The following CACNG3 variants were observed in gnomAD, a reference collection of about 807,000 sequenced individuals.
The protein encoded by CACNG3 is calcium voltage-gated channel auxiliary subunit gamma 3, also known as voltage-dependent calcium channel gamma-3 subunit.
A neutral mutation model predicts 28.5 loss-of-function variants in CACNG3; 3 were observed. The observed-to-expected ratio is 0.11, with a 90% CI of 0.05 to 0.27. The LOEUF (loss-of-function observed/expected upper bound fraction) is 0.27. CACNG3 is among the 10% of genes least tolerant of loss of function. CACNG3 has a pLI of 1.00. For synonymous variants in CACNG3, 174 were observed against 162.2 expected (o/e 1.07, Z -0.55); for missense variants, 236 against 414.4 (o/e 0.57, Z 3.74).
chr16:24,256,552 G>A lies in CACNG3; in HGVS notation c.-203G>A, dbSNP rs1898462756. The A allele has an allele frequency of 1.7e-6, 1 of 581,432 alleles. No individual in the cohort carries two copies. The highest frequency in any genetic ancestry group is 1.9e-5 in the African/African-American group (1 of 53,504). The allele number at this position is 581,432 out of a possible 1,614,324, so 36.0% of individuals were successfully genotyped here. A position where few individuals can be genotyped will look rare whatever the true frequency, so the allele number is the denominator to read the frequency against. Reference sequence around the variant, plus strand: ...AACCCCCCGGAGCCTGCACCCTTCCGAGGGCCATAGGCGACCCAGGGAACT... The same window carrying A: ...AACCCCCCGGAGCCTGCACCCTTCCAAGGGCCATAGGCGACCCAGGGAACT... On this transcript the variant is annotated 5_prime_UTR_variant, in exon 1 of 4. Coordinates refer to ENST00000005284, the MANE Select transcript of CACNG3 (RefSeq NM_006539.4). This position sits in a 1 kb window ranked among gnomAD's most constrained non-coding sequence, Gnocchi z 4.6.
In CACNG3 at chr16:24,260,878, G is replaced by A. The variant is rs62028546; in HGVS notation, c.211+3913G>A. Among the ~76,000 whole-genome samples the A allele has an allele frequency of 9.5e-3, 1,446 of 152,312 alleles. 9 individuals are homozygous for A. Among genetic ancestry groups the A allele is most frequent in the Admixed American group, 0.016 (240 of 15,298 alleles). Reference sequence around the variant, plus strand: ...ACAAAGTAGAGCCCTAACCTGCTGCGTGTTATCAATAGTGGCCTGTGAATT... The same window carrying A: ...ACAAAGTAGAGCCCTAACCTGCTGCATGTTATCAATAGTGGCCTGTGAATT... On this transcript the variant is annotated intron_variant, in intron 1 of 3. Coordinates refer to ENST00000005284, the MANE Select transcript of CACNG3 (RefSeq NM_006539.4).
chr16:24,308,218 AC>A (rs1460225617), intron 1 of CACNG3, among the ~76,000 whole-genome samples: 4 of 152,178 alleles, frequency 2.6e-5, no homozygotes, highest in Non-Finnish European at 5.9e-5. Flanking sequence ...CGGTGGAATG[AC>A]CGCACTTGGT....
intron 1 of CACNG3, among the ~76,000 whole-genome samples, chr16:24,320,782 C>T (rs183201129): frequency 1.7e-3 from 263 of 152,206 alleles, no homozygotes; most frequent in African/African-American, 5.6e-3. Flanking sequence ...CAGGCTGGAA[C>T]GCAGTGGCAT....
intron 1 of CACNG3, among the ~76,000 whole-genome samples, chr16:24,322,844 T>C (rs1417658833): frequency 4.6e-5 from 7 of 152,154 alleles, no homozygotes; most frequent in Admixed American, 3.9e-4. Context: ...TCTATACAGT[T>C]GCTCAGGTAG....
chr16:24,286,672 G>A lies in CACNG3; in HGVS notation c.211+29707G>A, dbSNP rs143483480. ...CTAGTACCTTAGGTACATGTCTTCC[G>A]TCTTACTCTCATAGTTATGTAAGAG... On this transcript the variant is annotated intron_variant, in intron 1 of 3. Transcript: ENST00000005284. 8.7e-4 allele frequency among the ~76,000 whole-genome samples: 132 copies of A among 152,190 alleles called. 1 individual carries two copies. Among genetic ancestry groups the A allele is most frequent in the African/African-American group, 3.0e-3 (124 of 41,516 alleles).
At chr16:24,291,572 A>C (rs899354995) in intron 1 of CACNG3, among the ~76,000 whole-genome samples, 12 of 152,146 alleles carry the variant, frequency 7.9e-5, no homozygotes, top group African/African-American at 2.7e-4. Flanking sequence ...TTCTTCTTAG[A>C]AAAATTTTGT....
chr16:24,261,031 T>G (rs1898530433), intron 1 of CACNG3, among the ~76,000 whole-genome samples: 1 of 152,218 alleles, frequency 6.6e-6, no homozygotes, highest in Non-Finnish European at 1.5e-5. Flanking sequence ...CCCTAAGTGT[T>G]CATCCCATTT....
chr16:24,274,186 CAA>C (rs72368556), intron 1 of CACNG3, among the ~76,000 whole-genome samples: 8 of 103,546 alleles, frequency 7.7e-5, no homozygotes, highest in Non-Finnish European at 1.6e-4. Context: ...GACTCCATCT[CAA>C]AAAAAAAAAA....
At chr16:24,279,165 A>T (rs1016134377) in intron 1 of CACNG3, among the ~76,000 whole-genome samples, 10 of 152,230 alleles carry the variant, frequency 6.6e-5, no homozygotes, top group Admixed American at 2.6e-4. Flanking sequence ...ACTTTATTCT[A>T]GGGGAAACAG....
intron 1 of CACNG3, among the ~76,000 whole-genome samples, chr16:24,330,405 G>A (rs762060405): frequency 3.9e-5 from 6 of 152,166 alleles, no homozygotes; most frequent in Non-Finnish European, 2.9e-5. Flanking sequence ...CCTCCAGGCA[G>A]GGTCTCAAAT....
intron 1 of CACNG3, among the ~76,000 whole-genome samples, chr16:24,317,648 A>AAAGATAG (rs1491194402): frequency 1.8e-5 from 1 of 55,714 alleles, no homozygotes; most frequent in Non-Finnish European, 3.3e-5. Flanking sequence ...GAAAGAAAAG[A>AAAGATAG]AAAGAAAGAA....
chr16:24,339,603 C>T (rs568889800), intron 1 of CACNG3, among the ~76,000 whole-genome samples: 2 of 152,226 alleles, frequency 1.3e-5, no homozygotes, highest in South Asian at 4.2e-4. Context: ...CCAGGCTGGC[C>T]TCGAACTCCA....
At chr16:24,331,639 C>G (rs1377924402) in intron 1 of CACNG3, among the ~76,000 whole-genome samples, 1 of 152,216 alleles carries the variant, frequency 6.6e-6, no homozygotes, top group African/African-American at 2.4e-5. Context: ...ACCATACATG[C>G]TCCTTTTCAG....
intron 1 of CACNG3, among the ~76,000 whole-genome samples, chr16:24,310,277 T>C (rs182812863): frequency 1.3e-5 from 2 of 152,264 alleles, no homozygotes; most frequent in African/African-American, 4.8e-5. Context: ...ATTTAAACAG[T>C]GTTAAGCTGG....
intron 1 of CACNG3, among the ~76,000 whole-genome samples, chr16:24,262,668 T>C (rs1248676652): frequency 6.6e-6 from 1 of 152,156 alleles, no homozygotes. Flanking sequence ...GTCCCATTGG[T>C]TGTTACATAT....
At chr16:24,291,156 T>C (rs1898961351) in intron 1 of CACNG3, among the ~76,000 whole-genome samples, 1 of 152,228 alleles carries the variant, frequency 6.6e-6, no homozygotes, top group African/African-American at 2.4e-5. Flanking sequence ...AATGAGGTTA[T>C]GGCTGATAAA....
intron 1 of CACNG3, among the ~76,000 whole-genome samples, chr16:24,311,491 A>T (rs553597658): frequency 2.7e-5 from 4 of 146,460 alleles, no homozygotes; most frequent in Admixed American, 1.3e-4. Flanking sequence ...CCTGGGTGAC[A>T]GAACAAGACT....
intron 1 of CACNG3, among the ~76,000 whole-genome samples, chr16:24,280,975 G>A (rs531676744): frequency 6.6e-6 from 1 of 150,426 alleles, no homozygotes; most frequent in East Asian, 2.2e-4. Context: ...ATTGACTTAA[G>A]AATGGGGAGA....
At chr16:24,304,060 A>G (rs556036223) in intron 1 of CACNG3, among the ~76,000 whole-genome samples, 1 of 152,162 alleles carries the variant, frequency 6.6e-6, no homozygotes, top group Non-Finnish European at 1.5e-5. Context: ...AAATAAAAAC[A>G]ATTTCAGTTC....
Sources: allele counts gnomAD v4.1 joint callset (sites outside exome capture counted in the v4.1 genomes callset), GRCh38; gene constraint gnomAD v4.1.1; non-coding constraint Gnocchi (gnomAD v3.1); transcripts MANE v1.5; gene names NCBI Gene and HGNC (gene_info 2026-07-23, HGNC 2026-07-21).